The following ERCC6 variants were observed in gnomAD, a reference collection of about 807,000 sequenced individuals.
ERCC6 encodes ERCC excision repair 6, chromatin remodeling factor.
A neutral mutation model predicts 158.7 loss-of-function variants in ERCC6; 116 were observed. The observed-to-expected ratio is 0.73, with a 90% confidence interval of 0.63 to 0.85. The LOEUF (loss-of-function observed/expected upper bound fraction) is 0.85. ERCC6 is among the 40% of genes least tolerant of loss of function. The pLI, the probability that ERCC6 is intolerant of heterozygous loss-of-function variation, is 0.00. For missense variants in ERCC6, 1,698 were observed against 1,799.4 expected (o/e 0.94, Z 1.02); for synonymous variants, 678 against 659.3 (o/e 1.03, Z -0.43).
At chr10:49,487,072 A>G (rs916740017) in intron 8 of ERCC6, among the ~76,000 whole-genome samples, 3 of 152,240 alleles carry the variant, frequency 2.0e-5, no homozygotes, top group Non-Finnish European at 4.4e-5. Flanking sequence ...ATAAAATTCA[A>G]CATCTTCAAA....
At chr10:49,492,996 T>C (rs1851201632) in intron 8 of ERCC6, 121 bp downstream of exon 8, 4 of 1,029,808 alleles carry the variant, frequency 3.9e-6, no homozygotes, top group Admixed American at 4.4e-5. Context: ...AAATTAACTT[T>C]AAATGCAGGA....
In ERCC6 at chr10:49,474,204, G is replaced by C; in HGVS notation, c.2421C>G (p.Asn807Lys). 8 of 1,614,130 alleles carry C rather than the reference G, an allele frequency of 5.0e-6. No homozygotes were observed. The highest frequency in any genetic ancestry group is 6.8e-6 in the Non-Finnish European group (8 of 1,180,016). The change falls in exon 13 of 21, where the codon AAC becomes AAG. Residue 807 changes from asparagine to lysine, a missense_variant. Asn to Lys is a moderately conservative substitution (Grantham distance 94, BLOSUM62 0). Transcript: ENST00000355832. ...GACCTCCAGAAAAGAGATCAGGGTG[G>C]TTGCAAATTTTTCTTAGGGCTATAA... ...SGLIALRKIC[N>K]HPDLFSGGPK...
At chr10:49,515,164 T>A (rs906586704) in intron 5 of ERCC6, 2 of 1,319,006 alleles carry the variant, frequency 1.5e-6, no homozygotes, top group African/African-American at 3.0e-5. Flanking sequence ...ATGAAATTCA[T>A]ATATGTTACC....
chr10:49,493,070 T>C (rs1182762963), intron 8 of ERCC6, 47 bp downstream of exon 8: 2 of 1,599,764 alleles, frequency 1.3e-6, no homozygotes, highest in Non-Finnish European at 1.7e-6. Flanking sequence ...ATATGTAAAA[T>C]GGAGGGCATT....
chr10:49,462,793 T>C (rs575455198), intron 18 of ERCC6, among the ~76,000 whole-genome samples: 20 of 152,160 alleles, frequency 1.3e-4, no homozygotes, highest in Non-Finnish European at 2.4e-4. Flanking sequence ...ACCTATCAGA[T>C]TGGGAAAAAT....
chr10:49,474,119 T>C lies in ERCC6; in HGVS notation c.2506A>G (p.Lys836Glu). 6.2e-7 allele frequency: 1 copy of C among 1,614,114 alleles called. No individual in the cohort carries two copies. Among genetic ancestry groups the C allele is most frequent in the Non-Finnish European group, 8.5e-7 (1 of 1,180,012 alleles). ...ACAACAATCATTTTCCCAGAACGTT[T>C]CCAGTACCCAAACTGATCTTCTTCT... ...ELEEDQFGYW[K>E]RSGKMIVVES... Residue 836 changes from lysine (K) to glutamate (E), a missense_variant, in exon 13 of 21, where the codon AAA becomes GAA. Transcript: ENST00000355832.
chr10:49,479,940 C>T (rs554432747), intron 10 of ERCC6, among the ~76,000 whole-genome samples: 20 of 152,320 alleles, frequency 1.3e-4, no homozygotes, highest in African/African-American at 4.6e-4. Context: ...AAACAGACAA[C>T]TTGCTGAGCA....
intron 7 of ERCC6, 35 bp from the exon 8 acceptor site, chr10:49,493,287 A>G: frequency 6.2e-7 from 1 of 1,613,680 alleles, no homozygotes; most frequent in Non-Finnish European, 8.5e-7. Context: ...AACAACCATG[A>G]AAGAGCATAT....
In ERCC6 at chr10:49,530,816, T is replaced by C. The variant is rs770732269; in HGVS notation, c.447A>G (p.Gln149=). 1.2e-6 allele frequency: 2 copies of C among 1,613,630 alleles called. No individual in the cohort carries two copies. The highest frequency in any genetic ancestry group is 1.7e-6 in the Non-Finnish European group (2 of 1,179,844). ...TAAGCTGTTCAATAATTTTATTGAT[T>C]TGCCTTAGGGATGTCGTACATGACC... is the stretch of plus-strand genomic sequence containing the variant. The part of the protein sequence containing the change: ...DLTSCTTSLR[Q]INKIIEQLSP... The change falls in exon 3 of 21, where the codon CAA becomes CAG. Residue 149 remains glutamine, a synonymous_variant. Transcript: ENST00000355832.
At chr10:49,447,588 G>A in the ERCC6 span, among the ~76,000 whole-genome samples, 119 of 152,116 alleles carry the variant, frequency 7.8e-4, 1 homozygote, top group African/African-American at 2.7e-3. Flanking sequence ...CTACTTGGGA[G>A]GCTGAGGCAG....
chr10:49,530,986 G>A (rs1837456960), intron 2 of ERCC6, 146 bp from the exon 3 acceptor site: 3 of 1,171,332 alleles, frequency 2.6e-6, no homozygotes, highest in South Asian at 3.0e-5. Flanking sequence ...TACCCTTATT[G>A]GCCACAAATA....
At chr10:49,483,311 C>T (rs1851012874) in intron 9 of ERCC6, 35 bp downstream of exon 9, 3 of 1,603,016 alleles carry the variant, frequency 1.9e-6, no homozygotes, top group Non-Finnish European at 2.6e-6. Context: ...TATTCTTCTC[C>T]ACTTGGAAAT....
chr10:49,529,942 G>T (rs1429724820), intron 3 of ERCC6, among the ~76,000 whole-genome samples: 1 of 152,070 alleles, frequency 6.6e-6, no homozygotes, highest in Non-Finnish European at 1.5e-5. Flanking sequence ...CTACCCTTAA[G>T]TTTTCCAAAG....
At chr10:49,517,137 G>A (rs1226624888) in intron 5 of ERCC6, 4 of 1,571,874 alleles carry the variant, frequency 2.5e-6, no homozygotes, top group Non-Finnish European at 2.6e-6. Flanking sequence ...ACGGAAAAAA[G>A]GTATTATTAG....
At chr10:49,524,916 G>C in intron 4 of ERCC6, 139 bp from the exon 5 acceptor site, 1 of 1,517,552 alleles carries the variant, frequency 6.6e-7, no homozygotes, top group Non-Finnish European at 8.8e-7. Context: ...ACTAAAGCAT[G>C]TTACATATGA....
chr10:49,483,975 G>C (rs995973983), intron 8 of ERCC6, among the ~76,000 whole-genome samples: 1 of 151,812 alleles, frequency 6.6e-6, no homozygotes, highest in Admixed American at 6.6e-5. Context: ...TAAAAGCAAT[G>C]ATTTTAAAAT....
rs1042863294 is a variant in ERCC6, at chr10:49,524,985, A to G, written c.653-208T>C. 1.6e-5 allele frequency: 21 copies of G among 1,302,820 alleles called. No homozygotes were observed. In the African/African-American group the frequency reaches 2.2e-4, roughly 14 times the overall value. The allele number at this position is 1,302,820 out of a possible 1,614,324, so 80.7% of individuals were successfully genotyped here. ...TTAATATATTCCTGTTCAAAAAGAC[A>G]ACTTCTCAGTAACTTTTCCCCAAAA... is the stretch of plus-strand genomic sequence containing the variant. On this transcript the variant is annotated intron_variant, in intron 4 of 20. Transcript: ENST00000355832.
Position 49,474,066 on chromosome 10 carries a change from C to T in ERCC6, c.2559G>A (p.Lys853=), listed in dbSNP as rs868359642. 1.9e-6 allele frequency: 3 copies of T among 1,614,130 alleles called. No individual in the cohort carries two copies. Among genetic ancestry groups the T allele is most frequent in the South Asian group, 1.1e-5 (1 of 91,088 alleles). Residue 853 remains lysine (K), a synonymous_variant, in exon 13 of 21, where the codon AAG becomes AAA. Transcript: ENST00000355832. ...AAAACAGCAATACTCGCTGACCCTGCTTGTGCCATATTTTCAACAAAGACT... is the reference window on the plus strand; with the variant it reads ...AAAACAGCAATACTCGCTGACCCTGTTTGTGCCATATTTTCAACAAAGACT... The part of the protein sequence containing the change: ...VVESLLKIWH[K]QGQRVLLFSQ...
chr10:49,468,840 T>C (rs1489833612), intron 18 of ERCC6, among the ~76,000 whole-genome samples: 1 of 152,104 alleles, frequency 6.6e-6, no homozygotes, highest in South Asian at 2.1e-4. Flanking sequence ...TATATTAGTA[T>C]GCCAAGAAGA....
Sources: gnomAD v4.1 joint callset for allele counts (sites outside exome capture counted in the v4.1 genomes callset) on GRCh38, gnomAD v4.1.1 for gene constraint, MANE v1.5 for transcripts, NCBI Gene and HGNC (gene_info 2026-07-23, HGNC 2026-07-21) for gene names.